FNTB: variants seen among roughly 807,000 people sequenced by gnomAD.
FNTB encodes the protein farnesyltransferase, CAAX box, subunit beta.
Under a neutral mutation model 59.4 loss-of-function variants are expected in FNTB, and 27 were observed. The ratio of observed to expected loss-of-function variants is 0.45; its 90% CI spans 0.34 to 0.63. The LOEUF is 0.63. Among genes scored for constraint, FNTB ranks in the 20% least tolerant of loss-of-function variants. FNTB has a pLI of 0.02. For synonymous variants in FNTB, 230 were observed against 220.7 expected, an observed-to-expected ratio of 1.04 and a Z score of -0.37; for missense variants, 449 against 559.6, an observed-to-expected ratio of 0.80 and a Z score of 1.99.
At chr14:65,036,127 C>T (rs560125142) in intron 7 of FNTB, among the ~76,000 whole-genome samples, 45 of 152,214 alleles carry the variant, frequency 3.0e-4, no homozygotes, top group African/African-American at 1.1e-3. Flanking sequence ...GCCACGATGG[C>T]CAGCCTGCCA....
Position 65,001,215 on chromosome 14 carries a change from A to G in FNTB, c.145-3034A>G, listed in dbSNP as rs1460359346. 2.0e-5 allele frequency among the ~76,000 whole-genome samples: 3 copies of G among 152,252 alleles called. No individual in the cohort carries two copies. The highest frequency in any genetic ancestry group is 7.2e-5 in the African/African-American group (3 of 41,468). On this transcript the variant is annotated intron_variant, in intron 1 of 11. Coordinates refer to ENST00000246166, the MANE Select transcript of FNTB (RefSeq NM_002028.4). The surrounding 1 kb of genome is among the most constrained non-coding windows in gnomAD (Gnocchi z 5.5). Reference sequence around the variant, plus strand: ...ATGATTTAAAATACAGGCGTGCACTATATAACAATCAACAGACTACATATA... The same window carrying G: ...ATGATTTAAAATACAGGCGTGCACTGTATAACAATCAACAGACTACATATA...
In FNTB at chr14:65,040,826, A is replaced by T; in HGVS notation, c.729A>T (p.Pro243=). 1.2e-6 allele frequency: 2 copies of T among 1,613,692 alleles called. No homozygotes were observed. Among genetic ancestry groups the T allele is most frequent in the Non-Finnish European group, 1.7e-6 (2 of 1,179,952 alleles). The change falls in exon 8 of 12, where the codon CCA becomes CCT. Residue 243 remains proline (P), a synonymous_variant. Coordinates refer to ENST00000246166, the MANE Select transcript of FNTB (RefSeq NM_002028.4). ...GGGAAGGTGGCATTGGCGGGGTACC[A>T]GGGATGGAAGCCCATGGTGGCTATA... ...QNWEGGIGGV[P]GMEAHGGYTF...
chr14:65,054,666 C>G lies in FNTB; in HGVS notation c.1159C>G (p.Leu387Val), dbSNP rs368210294. Residue 387 changes from leucine to valine, a missense_variant, in exon 11 of 12, where the codon CTG becomes GTG. Leu to Val is a conservative substitution (Grantham distance 32). This residue lies in a region of FNTB where 337 missense variants were observed against 479.1 expected (regional missense o/e 0.70). Transcript: ENST00000246166. This position sits in a 1 kb window ranked among gnomAD's most constrained non-coding sequence, Gnocchi z 4.4. Reference protein sequence around the residue: ...GSGAMLHDVVLGVPENALQPT... With the variant: ...GSGAMLHDVVVGVPENALQPT... The stretch of plus-strand genomic sequence containing the variant: ...CGGAGCCATGTTGCATGATGTGGTC[C>G]TGGGTGTGCCCGAAAACGCTCTGGT... The G allele has an allele frequency of 1.8e-5, 29 of 1,612,438 alleles. No homozygotes were observed. The highest frequency in any genetic ancestry group is 2.5e-5 in the Non-Finnish European group (29 of 1,179,348).
At chr14:65,040,255 A>ATGTG (rs1394828665) in intron 7 of FNTB, among the ~76,000 whole-genome samples, 3 of 118,420 alleles carry the variant, frequency 2.5e-5, no homozygotes, top group Non-Finnish European at 5.9e-5. Context: ...CACTATATAT[A>ATGTG]TATGTATATA....
intron 9 of FNTB, among the ~76,000 whole-genome samples, chr14:65,046,831 G>A (rs1018680320): frequency 7.1e-6 from 1 of 140,980 alleles, no homozygotes; most frequent in South Asian, 2.3e-4. Flanking sequence ...TATCTAGGAT[G>A]TGAAGTTACA....
In FNTB at chr14:65,054,586, TCTACCACACCTG is replaced by T; in HGVS notation, c.1084_1095del (p.His362_Tyr365del). 6.2e-7 allele frequency: 1 copy of T among 1,613,362 alleles called. No individual in the cohort carries two copies. The highest frequency in any genetic ancestry group is 8.5e-7 in the Non-Finnish European group (1 of 1,179,738). On this transcript the variant is annotated inframe_deletion, in exon 11 of 12. Coordinates refer to ENST00000246166, the MANE Select transcript of FNTB (RefSeq NM_002028.4). This position sits in a 1 kb window ranked among gnomAD's most constrained non-coding sequence, Gnocchi z 4.4. ...GCCTGTCCTTACAGGTCGCGTGATT[TCTACCACACCTG>T]CTACTGCCTGAGCGGCCTGTCCATA...
At position 65,011,247 on chromosome 14, in the gene FNTB, GT is replaced by G. The variant is rs1401411877; in HGVS notation, c.210-1069del. Among the ~76,000 whole-genome samples, 1 of 152,098 alleles carries G rather than the reference GT, an allele frequency of 6.6e-6. No homozygotes were observed. The highest frequency in any genetic ancestry group is 1.5e-5 in the Non-Finnish European group (1 of 68,022). Reference sequence around the variant, plus strand: ...GTTCAAGACCAGCCTGGGCAACATGGTGAAACCCCCGTCTCCACTAAAAATA... The same window carrying G: ...GTTCAAGACCAGCCTGGGCAACATGGGAAACCCCCGTCTCCACTAAAAATA... On this transcript the variant is annotated intron_variant, in intron 2 of 11. Transcript: ENST00000246166. The surrounding 1 kb of genome is among the most constrained non-coding windows in gnomAD (Gnocchi z 4.0).
At chr14:65,033,232 AAAG>A (rs1215715853) in intron 7 of FNTB, among the ~76,000 whole-genome samples, 2 of 152,250 alleles carry the variant, frequency 1.3e-5, no homozygotes, top group East Asian at 3.8e-4. Context: ...GAAAGAATGA[AAAG>A]AAAAAAATAC....
At position 65,027,855 on chromosome 14, in the gene FNTB, A is replaced by G. The variant is rs1334601829; in HGVS notation, c.605+74A>G. On this transcript the variant is annotated intron_variant, in intron 6 of 11. Coordinates refer to ENST00000246166, the MANE Select transcript of FNTB (RefSeq NM_002028.4). This position sits in a 1 kb window ranked among gnomAD's most constrained non-coding sequence, Gnocchi z 5.7. Reference sequence around the variant, plus strand: ...ATCTGCCATTAGAGATGCCAAGCCTAAGGAACATCATGGGGAAGCTGCTGC... The same window carrying G: ...ATCTGCCATTAGAGATGCCAAGCCTGAGGAACATCATGGGGAAGCTGCTGC... 2 of 1,589,206 alleles carry G rather than the reference A, an allele frequency of 1.3e-6. No individual in the cohort carries two copies. Among genetic ancestry groups the G allele is most frequent in the African/African-American group, 1.3e-5 (1 of 74,492 alleles).
Position 65,040,856 on chromosome 14 carries a change from C to T in FNTB, c.759C>T (p.Phe253=), listed in dbSNP as rs757798314. 37 of 1,613,916 alleles carry T rather than the reference C, an allele frequency of 2.3e-5. No homozygotes were observed. The highest frequency in any genetic ancestry group is 7.6e-6 in the Non-Finnish European group (9 of 1,179,990). Residue 253 remains phenylalanine, a synonymous_variant, in exon 8 of 12, where the codon TTC becomes TTT. Transcript: ENST00000246166. The stretch of plus-strand genomic sequence containing the variant: ...TGGAAGCCCATGGTGGCTATACCTT[C>T]TGTGGCCTGGCCGCGCTGGTAATCC... The part of the protein sequence containing the change: ...PGMEAHGGYT[F]CGLAALVILK...
At chr14:65,016,920 G>GTTTTTTTTTT (rs34191835) in intron 4 of FNTB, among the ~76,000 whole-genome samples, 1 of 114,850 alleles carries the variant, frequency 8.7e-6, no homozygotes, top group Non-Finnish European at 1.7e-5. Context: ...GGCCCACGTG[G>GTTTTTTTTTT]TTTTTTTTTT....
intron 7 of FNTB, among the ~76,000 whole-genome samples, chr14:65,039,189 T>C (rs1208128564): frequency 6.6e-6 from 1 of 152,174 alleles, no homozygotes; most frequent in Non-Finnish European, 1.5e-5. Flanking sequence ...CTCAAAGCAG[T>C]GTCTGTAGGG....
rs143751885 is a variant in FNTB at position 65,033,315 on chromosome 14, G to A, written c.692+619G>A. Among the ~76,000 whole-genome samples the A allele has an allele frequency of 3.8e-3, 584 of 152,288 alleles. 7 individuals are homozygous for A. The highest frequency in any genetic ancestry group is 0.013 in the African/African-American group (538 of 41,570). On this transcript the variant is annotated intron_variant, in intron 7 of 11. Transcript: ENST00000246166. ...TGCAAGAGAATTCTGTATTGTTTCTGAGAAGAATCATGTGGTAATAATATA... is the reference window on the plus strand; with the variant it reads ...TGCAAGAGAATTCTGTATTGTTTCTAAGAAGAATCATGTGGTAATAATATA...
chr14:65,053,644 A>C (rs1276650084), intron 10 of FNTB, among the ~76,000 whole-genome samples: 2 of 152,156 alleles, frequency 1.3e-5, no homozygotes, highest in Middle Eastern at 3.4e-3. Flanking sequence ...ACAAAAAAAA[A>C]CTGATCTAAA....
At chr14:65,034,086 T>G (rs1252987757) in intron 7 of FNTB, among the ~76,000 whole-genome samples, 1 of 152,216 alleles carries the variant, frequency 6.6e-6, no homozygotes, top group African/African-American at 2.4e-5. Context: ...ACTTATGAAT[T>G]CCTTCCCAAA....
chr14:65,005,171 G>C (rs2061561321), intron 2 of FNTB, among the ~76,000 whole-genome samples: 1 of 152,198 alleles, frequency 6.6e-6, no homozygotes, highest in South Asian at 2.1e-4. Context: ...GCAAGTTGAA[G>C]TCTTCTAAGT....
chr14:65,058,850 T>A (rs973753283), intron 11 of FNTB, among the ~76,000 whole-genome samples: 2 of 152,200 alleles, frequency 1.3e-5, no homozygotes, highest in Non-Finnish European at 2.9e-5. Flanking sequence ...TACTGCTGGA[T>A]TCAGTTTGCC....
intron 3 of FNTB, among the ~76,000 whole-genome samples, chr14:65,015,050 T>A (rs2061744144): frequency 6.6e-6 from 1 of 152,022 alleles, no homozygotes; most frequent in Non-Finnish European, 1.5e-5. Context: ...CAGGGAGGGA[T>A]CCACTGGGTT....
Position 65,061,499 on chromosome 14 carries a change from A to G in FNTB, c.*187A>G, listed in dbSNP as rs2062864916. Reference sequence around the variant, plus strand: ...TTGGAGAACACAGTGGCTGGTTTTAAAAATTCTTTCCACACCTGTCAAACC... The same window carrying G: ...TTGGAGAACACAGTGGCTGGTTTTAGAAATTCTTTCCACACCTGTCAAACC... On this transcript the variant is annotated 3_prime_UTR_variant, in exon 12 of 12. Transcript: ENST00000246166. 4 of 1,114,228 alleles carry G rather than the reference A, an allele frequency of 3.6e-6. No individual in the cohort carries two copies. The African/African-American group carries it at 4.7e-5, about 13-fold the overall frequency. 69.0% of individuals were successfully genotyped at this position (1,114,228 alleles called of 1,614,324 possible).
Sources: allele counts gnomAD v4.1 joint callset (sites outside exome capture counted in the v4.1 genomes callset), GRCh38; gene constraint gnomAD v4.1.1; regional missense constraint gnomAD v4.1.1; non-coding constraint Gnocchi (gnomAD v3.1); transcripts MANE v1.5; gene names NCBI Gene and HGNC (gene_info 2026-07-23, HGNC 2026-07-21).